The following KDR variants were observed in gnomAD, a reference collection of about 807,000 sequenced individuals.
The protein encoded by KDR is kinase insert domain receptor.
Under a neutral mutation model 160.9 loss-of-function variants are expected in KDR, and 43 were observed. The ratio of observed to expected loss-of-function variants is 0.27; its 90% CI spans 0.21 to 0.34. The LOEUF is 0.34. Among genes scored for constraint, KDR ranks in the 10% least tolerant of loss-of-function variants. The probability of loss-of-function intolerance (pLI) is 1.00; values close to 1 mark genes in which losing one functional copy is unlikely to be tolerated. For synonymous variants in KDR, 617 were observed against 600.1 expected (o/e 1.03, Z -0.41); for missense variants, 1,469 against 1,666.4 (o/e 0.88, Z 2.06).
intron 27 of KDR, among the ~76,000 whole-genome samples, chr4:55,084,828 G>A (rs1719819040): frequency 6.6e-6 from 1 of 152,198 alleles, no homozygotes; most frequent in Non-Finnish European, 1.5e-5. Context: ...CTGTTCTCTT[G>A]TCATGCATGC....
In KDR at chr4:55,079,395, T is replaced by C. The variant is rs1474718218; in HGVS notation, c.*546A>G. The C allele has an allele frequency of 1.6e-5, 4 of 250,034 alleles. No individual in the cohort carries two copies. In the East Asian group the frequency reaches 2.2e-4, roughly 14 times the overall value. 15.5% of individuals were successfully genotyped at this position (250,034 alleles called of 1,614,324 possible). Reference sequence around the variant, plus strand: ...CCTCCACCAGAGCAAACACAATGCATTTGCAGGCTCCAGTACTCTCCAAAG... The same window carrying C: ...CCTCCACCAGAGCAAACACAATGCACTTGCAGGCTCCAGTACTCTCCAAAG... On this transcript the variant is annotated 3_prime_UTR_variant, in exon 30 of 30. Transcript: ENST00000263923.
intron 18 of KDR, 62 bp from the exon 19 acceptor site, chr4:55,096,404 C>A (rs1037921251): frequency 5.1e-6 from 6 of 1,171,516 alleles, no homozygotes; most frequent in Non-Finnish European, 6.3e-6. Context: ...TAATTGGGGT[C>A]CCTCCCTCCC....
chr4:55,080,086 T>C lies in KDR; in HGVS notation c.3926A>G (p.Tyr1309Cys). The change falls in exon 30 of 30, where the codon TAT becomes TGT. Residue 1309 changes from tyrosine to cysteine, a missense_variant. Coordinates refer to ENST00000263923, the MANE Select transcript of KDR (RefSeq NM_002253.4). The part of the protein sequence containing the change: ...SNQTSGYQSG[Y>C]HSDDTDTTVY... ...GGTGGTGTCTGTGTCATCGGAGTGA[T>C]ATCCGGACTGGTAGCCGCTTGTCTG... The C allele has an allele frequency of 3.7e-6, 6 of 1,614,150 alleles. No individual in the cohort carries two copies. Among genetic ancestry groups the C allele is most frequent in the African/African-American group, 2.7e-5 (2 of 75,042 alleles).
intron 21 of KDR, among the ~76,000 whole-genome samples, chr4:55,093,998 G>A (rs1578130119): frequency 2.0e-5 from 3 of 151,596 alleles, no homozygotes; most frequent in East Asian, 1.9e-4. Flanking sequence ...TCAGGAGTTC[G>A]AGACCAGCCT....
rs891669232 is a variant in KDR, at chr4:55,078,961, TA to T, written c.*979del. 29 of 232,824 alleles carry T rather than the reference TA, an allele frequency of 1.2e-4. No individual in the cohort carries two copies. In the Admixed American group the frequency reaches 1.4e-3, roughly 11 times the overall value. 14.4% of individuals were successfully genotyped at this position (232,824 alleles called of 1,614,324 possible). ...GGGGACAGGGGGAAGAACAAAAGGG[TA>T]AAATCCTTCCTGAAACTTTGACACC... On this transcript the variant is annotated 3_prime_UTR_variant, in exon 30 of 30. Coordinates refer to ENST00000263923, the MANE Select transcript of KDR (RefSeq NM_002253.4).
At chr4:55,108,003 A>T in intron 9 of KDR, 110 bp from the exon 10 acceptor site, 1 of 1,279,934 alleles carries the variant, frequency 7.8e-7, no homozygotes. Context: ...TTTTGCTTCC[A>T]CTTTCTTTTT....
chr4:55,084,018 A>T (rs1468806235), intron 27 of KDR, among the ~76,000 whole-genome samples: 2 of 152,204 alleles, frequency 1.3e-5, no homozygotes, highest in African/African-American at 4.8e-5. Context: ...CGCAAGCCTG[A>T]CACTGTGCCA....
intron 28 of KDR, among the ~76,000 whole-genome samples, 196 bp from the exon 29 acceptor site, chr4:55,082,237 G>T (rs745323793): frequency 6.6e-6 from 1 of 152,296 alleles, no homozygotes; most frequent in Admixed American, 6.5e-5. Context: ...ACAGGCCAGG[G>T]AGAAGAGAAA....
At chr4:55,089,269 A>G in intron 25 of KDR, 105 bp downstream of exon 25, 1 of 805,936 alleles carries the variant, frequency 1.2e-6, no homozygotes, top group South Asian at 1.5e-5. Context: ...TAAAAGCAGG[A>G]CACTAACTGG....
chr4:55,080,324 A>G (rs1719700434), intron 29 of KDR, among the ~76,000 whole-genome samples, 161 bp from the exon 30 acceptor site: 1 of 152,196 alleles, frequency 6.6e-6, no homozygotes, highest in Non-Finnish European at 1.5e-5. Context: ...TTACAGGGAC[A>G]AGGTCTATTT....
chr4:55,084,666 C>T (rs1205824145), intron 27 of KDR, among the ~76,000 whole-genome samples: 1 of 152,094 alleles, frequency 6.6e-6, no homozygotes, highest in East Asian at 1.9e-4. Flanking sequence ...CAAACTTAGG[C>T]CTTCAGACAC....
In KDR at chr4:55,098,679, G is replaced by T. The variant is rs1020043131; in HGVS notation, c.2373+18C>A. 1 of 1,577,246 alleles carries T rather than the reference G, an allele frequency of 6.3e-7. No individual in the cohort carries two copies. Among genetic ancestry groups the T allele is most frequent in the Non-Finnish European group, 8.7e-7 (1 of 1,146,752 alleles). ...TGAAAACCAATGTGCATGGGCAGAA[G>T]GGAAATTATTTTTTTACCCGCTTAA... On this transcript the variant is annotated intron_variant, in intron 16 of 29. Coordinates refer to ENST00000263923, the MANE Select transcript of KDR (RefSeq NM_002253.4).
chr4:55,100,503 G>C (rs757114633), intron 15 of KDR, among the ~76,000 whole-genome samples: 1 of 152,154 alleles, frequency 6.6e-6, no homozygotes, highest in Non-Finnish European at 1.5e-5. Context: ...CTCTGTGCCA[G>C]TGTTACCTAG....
At chr4:55,120,258 G>C (rs1234508447) in intron 2 of KDR, among the ~76,000 whole-genome samples, 2 of 152,080 alleles carry the variant, frequency 1.3e-5, no homozygotes, top group Non-Finnish European at 2.9e-5. Flanking sequence ...GGTCCTTTGT[G>C]GACCCCCAGC....
intron 3 of KDR, among the ~76,000 whole-genome samples, chr4:55,117,487 G>A (rs975446437): frequency 6.6e-6 from 1 of 152,202 alleles, no homozygotes; most frequent in African/African-American, 2.4e-5. Context: ...ATCTTTGACA[G>A]TGCTTACTCT....
chr4:55,114,761 C>T (rs192319219), intron 5 of KDR, 113 bp downstream of exon 5: 2 of 937,314 alleles, frequency 2.1e-6, no homozygotes, highest in South Asian at 1.4e-5. Flanking sequence ...TGCCCAACAC[C>T]ATATCCTGAG....
intron 5 of KDR, 115 bp from the exon 6 acceptor site, chr4:55,114,380 T>A (rs1265290857): frequency 8.9e-7 from 1 of 1,124,576 alleles, no homozygotes. Flanking sequence ...TGTTTTTCCC[T>A]GCAGGCCTCA....
chr4:55,120,067 G>A (rs749384040), intron 2 of KDR, among the ~76,000 whole-genome samples: 1 of 152,168 alleles, frequency 6.6e-6, no homozygotes, highest in East Asian at 1.9e-4. Context: ...AATCTAATGG[G>A]AAATGTGTCT....
In KDR at chr4:55,095,605, C is replaced by T. The variant is rs762955301; in HGVS notation, c.2789G>A (p.Ser930Asn). The T allele has an allele frequency of 2.5e-6, 4 of 1,613,246 alleles. No individual in the cohort carries two copies. The African/African-American group carries it at 4.0e-5, about 16-fold the overall frequency. The change falls in exon 20 of 30, where the codon AGC becomes AAC. Residue 930 changes from serine to asparagine, a missense_variant. This residue lies in a region of KDR where 151 missense variants were observed against 207.2 expected (regional missense o/e 0.73). Transcript: ENST00000263923. ...GTAGGGGACAAATTCATTTCTCTTG[C>T]TCCTCAGGTAAGTGGACAGGTTTCC... Reference protein sequence around the residue: ...KFGNLSTYLRSKRNEFVPYKT... With the variant: ...KFGNLSTYLRNKRNEFVPYKT...
Sources: gnomAD v4.1 joint callset for allele counts (sites outside exome capture counted in the v4.1 genomes callset) on GRCh38, gnomAD v4.1.1 for gene constraint, gnomAD v4.1.1 regional missense constraint, MANE v1.5 for transcripts, NCBI Gene and HGNC (gene_info 2026-07-23, HGNC 2026-07-21) for gene names.